The following ADGRG6 variants were observed in gnomAD, a reference collection of about 807,000 sequenced individuals.
The protein encoded by ADGRG6 is G-protein coupled receptor 126.
In ADGRG6, 84 loss-of-function variants were observed where a neutral mutation model predicts 142.4. That is an observed-to-expected ratio of 0.59 (90% CI 0.49 to 0.71). The LOEUF (loss-of-function observed/expected upper bound fraction) is 0.71. ADGRG6 is among the 30% of genes least tolerant of loss of function. ADGRG6 has a pLI of 0.00. For missense variants in ADGRG6, 1,367 were observed against 1,466.6 expected (o/e 0.93, Z 1.11); for synonymous variants, 521 against 520.5 (o/e 1.00, Z -0.01).
chr6:142,318,333 TTTATA>T (rs1380870920), intron 2 of ADGRG6, among the ~76,000 whole-genome samples: 1 of 94,908 alleles, frequency 1.1e-5, no homozygotes, highest in Non-Finnish European at 1.9e-5. Context: ...ATTATATATA[TTTATA>T]TTATATATTT....
chr6:142,384,478 G>A (rs548853471), intron 6 of ADGRG6, among the ~76,000 whole-genome samples: 2 of 152,038 alleles, frequency 1.3e-5, no homozygotes, highest in South Asian at 4.1e-4. Flanking sequence ...AGCAGTGTAC[G>A]GTAAGAAATA....
At position 142,419,940 on chromosome 6, in the gene ADGRG6, G is replaced by T; in HGVS notation, c.3155G>T (p.Gly1052Val). ...ATGGTGCAGATCTGTGGGAGGAATG[G>T]CAAGAGAAGCAACCGGACCCTGAGA... ...VVMVQICGRN[G>V]KRSNRTLREE... The change falls in exon 22 of 25, where the codon GGC (glycine) becomes GTC (valine). Residue 1052 changes from glycine (G) to valine (V), a missense_variant. Transcript: ENST00000367609. 1.9e-6 allele frequency: 3 copies of T among 1,613,488 alleles called. No homozygotes were observed. The highest frequency in any genetic ancestry group is 2.5e-6 in the Non-Finnish European group (3 of 1,179,600).
At chr6:142,334,670 G>A (rs561777332) in intron 2 of ADGRG6, among the ~76,000 whole-genome samples, 4 of 152,294 alleles carry the variant, frequency 2.6e-5, no homozygotes, top group African/African-American at 7.2e-5. Context: ...AGGGTCTCTA[G>A]CATGAGGTCA....
At chr6:142,425,629 C>A (rs1776900021) in intron 22 of ADGRG6, among the ~76,000 whole-genome samples, 1 of 152,124 alleles carries the variant, frequency 6.6e-6, no homozygotes, top group African/African-American at 2.4e-5. Flanking sequence ...AGCAGGGTCA[C>A]CATGTAATGT....
intron 22 of ADGRG6, among the ~76,000 whole-genome samples, chr6:142,430,777 A>G (rs1333542625): frequency 6.6e-6 from 1 of 152,248 alleles, no homozygotes; most frequent in East Asian, 1.9e-4. Flanking sequence ...TTAGATATCA[A>G]AAGTTAAATT....
chr6:142,325,541 T>G (rs1420413156), intron 2 of ADGRG6, among the ~76,000 whole-genome samples: 2 of 152,184 alleles, frequency 1.3e-5, no homozygotes, highest in Non-Finnish European at 2.9e-5. Context: ...TTGGAGCTTA[T>G]TTTTTGCAAT....
Position 142,302,306 on chromosome 6 carries a change from G to A in ADGRG6, c.-24G>A. ...TGGAGGATGATCTTGCGGCCAAAGG[G>A]GACCTCGGCGCAGTAATGTCAACAT... On this transcript the variant is annotated 5_prime_UTR_variant, in exon 1 of 25. Transcript: ENST00000367609. 1 of 1,612,406 alleles carries A rather than the reference G, an allele frequency of 6.2e-7. No homozygotes were observed. The highest frequency in any genetic ancestry group is 8.5e-7 in the Non-Finnish European group (1 of 1,179,120).
At chr6:142,389,726 C>T (rs1328086298) in intron 6 of ADGRG6, among the ~76,000 whole-genome samples, 1 of 151,648 alleles carries the variant, frequency 6.6e-6, no homozygotes, top group Non-Finnish European at 1.5e-5. Context: ...TGAAATGCAG[C>T]CTAGTAGTTT....
intron 22 of ADGRG6, among the ~76,000 whole-genome samples, chr6:142,427,809 G>A (rs921237868): frequency 6.6e-6 from 1 of 152,136 alleles, no homozygotes; most frequent in Non-Finnish European, 1.5e-5. Flanking sequence ...CAAAGAGAGA[G>A]CTTGTAAAGA....
intron 2 of ADGRG6, among the ~76,000 whole-genome samples, chr6:142,331,111 G>T (rs1274239562): frequency 6.6e-6 from 1 of 150,428 alleles, no homozygotes; most frequent in Non-Finnish European, 1.5e-5. Flanking sequence ...ACATTCTATG[G>T]AATACAGCAG....
intron 7 of ADGRG6, among the ~76,000 whole-genome samples, chr6:142,392,342 T>G (rs1774936078): frequency 1.3e-5 from 2 of 151,956 alleles, no homozygotes; most frequent in Non-Finnish European, 2.9e-5. Flanking sequence ...CATTAAAAAC[T>G]CTTATGCTGA....
intron 18 of ADGRG6, among the ~76,000 whole-genome samples, chr6:142,413,346 A>G (rs1776188774): frequency 6.6e-6 from 1 of 152,176 alleles, no homozygotes. Flanking sequence ...CTGGTCTACA[A>G]ATATTTCAAG....
chr6:142,327,129 A>G (rs1454525441), intron 2 of ADGRG6, among the ~76,000 whole-genome samples: 2 of 152,026 alleles, frequency 1.3e-5, no homozygotes, highest in Non-Finnish European at 2.9e-5. Flanking sequence ...TTGTTTTTAG[A>G]TGTAATGCAG....
chr6:142,397,493 A>G (rs1583090362), intron 9 of ADGRG6, 120 bp from the exon 10 acceptor site: 1 of 770,226 alleles, frequency 1.3e-6, no homozygotes, highest in Non-Finnish European at 2.1e-6. Flanking sequence ...CACCTTGGCT[A>G]ATCTCTTCAG....
rs369257580 is a variant in ADGRG6, at chr6:142,434,439, T to C, written c.3320-2995T>C. 5.3e-5 allele frequency among the ~76,000 whole-genome samples: 8 copies of C among 152,032 alleles called. No individual in the cohort carries two copies. The East Asian group carries it at 5.8e-4, about 11-fold the overall frequency. On this transcript the variant is annotated intron_variant, in intron 22 of 24. Transcript: ENST00000367609. ...TCCCGAGTTCAAGCAATTCTCCTGC[T>C]GCAGCCTCCTGAGTAGCTAGGATTA...
chr6:142,312,080 C>T (rs976256375), intron 2 of ADGRG6, among the ~76,000 whole-genome samples: 1 of 151,938 alleles, frequency 6.6e-6, no homozygotes, highest in Non-Finnish European at 1.5e-5. Flanking sequence ...TTCAAAGGAG[C>T]GCCACTGGAT....
In ADGRG6 at chr6:142,316,452, T is replaced by C. The variant is rs372408303; in HGVS notation, c.103+6808T>C. On this transcript the variant is annotated intron_variant, in intron 2 of 24. Transcript: ENST00000367609. ...ATAATTTTTGCAAACAGAAGGATCT[T>C]TTTAGAAGATTCCTTACCTGGCCAA... Among the ~76,000 whole-genome samples the C allele has an allele frequency of 2.0e-5, 3 of 152,302 alleles. No individual in the cohort carries two copies. In the East Asian group the frequency reaches 5.8e-4, roughly 29 times the overall value.
intron 2 of ADGRG6, among the ~76,000 whole-genome samples, chr6:142,317,166 G>A (rs147810850): frequency 3.9e-4 from 60 of 152,186 alleles, no homozygotes; most frequent in Non-Finnish European, 7.2e-4. Context: ...TTTACTTGGC[G>A]TTTGGTTAGG....
intron 2 of ADGRG6, among the ~76,000 whole-genome samples, chr6:142,315,550 A>C (rs1778003608): frequency 6.6e-6 from 1 of 152,074 alleles, no homozygotes; most frequent in Non-Finnish European, 1.5e-5. Context: ...CATTGAACTA[A>C]CATGATTATA....
Sources: allele counts gnomAD v4.1 joint callset (sites outside exome capture counted in the v4.1 genomes callset), GRCh38; gene constraint gnomAD v4.1.1; transcripts MANE v1.5; gene names NCBI Gene and HGNC (gene_info 2026-07-23, HGNC 2026-07-21).